PLEKHA6: variants seen among roughly 807,000 people sequenced by gnomAD.
PLEKHA6 encodes pleckstrin homology domain-containing family A member 6.
A neutral mutation model predicts 116.7 loss-of-function variants in PLEKHA6; 60 were observed. That is an observed-to-expected ratio of 0.51 (90% CI 0.42 to 0.64). The LOEUF (loss-of-function observed/expected upper bound fraction) is 0.64. PLEKHA6 is among the 30% of genes least tolerant of loss of function. The pLI is 0.00. For synonymous variants in PLEKHA6, 489 were observed against 556.1 expected, an observed-to-expected ratio of 0.88 and a Z score of 1.70; for missense variants, 1,338 against 1,422.7, an observed-to-expected ratio of 0.94 and a Z score of 0.96.
Position 204,248,929 on chromosome 1 carries a change from C to T in PLEKHA6, c.1716G>A (p.Leu572=), listed in dbSNP as rs1260421588. 1.2e-6 allele frequency: 2 copies of T among 1,614,158 alleles called. No homozygotes were observed. The highest frequency in any genetic ancestry group is 2.2e-5 in the South Asian group (2 of 91,078). ...AGGCGGGCTGGCTTCCAAACATCTC[C>T]AGCTCCTGGTGGGTCCCCATCAAGG... The part of the protein sequence containing the change: ...ESALMGTHQE[L]EMFGSQPAYP... Residue 572 remains leucine, a synonymous_variant, in exon 12 of 23, where the codon CTG becomes CTA. Transcript: ENST00000272203.
intron 1 of PLEKHA6, among the ~76,000 whole-genome samples, chr1:204,312,125 C>CAACT (rs1482830512): frequency 6.6e-6 from 1 of 152,210 alleles, no homozygotes; most frequent in Admixed American, 6.5e-5. Flanking sequence ...CAGCATCACA[C>CAACT]AACTAGTCAG....
At chr1:204,281,094 G>T in intron 1 of PLEKHA6, 1 of 581,092 alleles carries the variant, frequency 1.7e-6, no homozygotes, top group Non-Finnish European at 2.2e-6. Flanking sequence ...GGCAGAGGCA[G>T]GAGGATCACT....
intron 17 of PLEKHA6, among the ~76,000 whole-genome samples, chr1:204,236,468 C>T (rs1346095426): frequency 6.6e-6 from 1 of 152,174 alleles, no homozygotes; most frequent in Non-Finnish European, 1.5e-5. Context: ...GAGGGCAGCA[C>T]TTGCATCTTT....
At position 204,219,791 on chromosome 1, in the gene PLEKHA6, G is replaced by A. The variant is rs1007953747; in HGVS notation, c.*2997C>T. ...GCTAAGCAGCTTGGAAGGCTGAGCT[G>A]GCTTAGTTCGGTGCCCCAGTGGCAG... On this transcript the variant is annotated 3_prime_UTR_variant, in exon 23 of 23. Transcript: ENST00000272203. The A allele has an allele frequency of 1.3e-5, 2 of 152,264 alleles. No individual in the cohort carries two copies. Among genetic ancestry groups the A allele is most frequent in the African/African-American group, 4.8e-5 (2 of 41,454 alleles). 9.4% of individuals were successfully genotyped at this position (152,264 alleles called of 1,614,324 possible). A position where few individuals can be genotyped will look rare whatever the true frequency, so the allele number is the denominator to read the frequency against.
intron 1 of PLEKHA6, among the ~76,000 whole-genome samples, chr1:204,335,563 T>TG (rs960537308): frequency 2.0e-5 from 3 of 152,048 alleles, no homozygotes; most frequent in African/African-American, 7.2e-5. Context: ...CCAGAGCAAC[T>TG]GGGTTAAGGC....
At position 204,308,979 on chromosome 1, in the gene PLEKHA6, A is replaced by G. The variant is rs572325082; in HGVS notation, c.-94-34170T>C. The G allele has an allele frequency of 4.2e-4, 261 of 615,870 alleles. 2 individuals are homozygous for G. The South Asian group carries it at 5.1e-3, about 12-fold the overall frequency. The allele number at this position is 615,870 out of a possible 1,614,324, so 38.2% of individuals were successfully genotyped here. A position where few individuals can be genotyped will look rare whatever the true frequency, so the allele number is the denominator to read the frequency against. On this transcript the variant is annotated intron_variant, in intron 1 of 22. Coordinates refer to ENST00000272203, the MANE Select transcript of PLEKHA6 (RefSeq NM_014935.5). ...GCTGGGATTACAGGCGTGAGCCACC[A>G]CGCCCGGCCTCAAGAAGGTAATTCT... is the stretch of plus-strand genomic sequence containing the variant.
Position 204,259,861 on chromosome 1 carries a change from G to A in PLEKHA6, c.525-121C>T. On this transcript the variant is annotated intron_variant, in intron 7 of 22. Transcript: ENST00000272203. This position sits in a 1 kb window ranked among gnomAD's most constrained non-coding sequence, Gnocchi z 4.6. ...TGGGCAGGGAGGTGGCTGGAACCAG[G>A]ATTCTATGAACTCCAGTTCTGCTTC... 1 of 1,048,282 alleles carries A rather than the reference G, an allele frequency of 9.5e-7. No homozygotes were observed. Among genetic ancestry groups the A allele is most frequent in the Non-Finnish European group, 1.4e-6 (1 of 740,134 alleles). 64.9% of individuals were successfully genotyped at this position (1,048,282 alleles called of 1,614,324 possible). A position where few individuals can be genotyped will look rare whatever the true frequency, so the allele number is the denominator to read the frequency against.
intron 6 of PLEKHA6, among the ~76,000 whole-genome samples, chr1:204,263,008 C>A (rs1190090830): frequency 6.6e-6 from 1 of 152,146 alleles, no homozygotes; most frequent in Admixed American, 6.5e-5. Context: ...CAAATGAATT[C>A]ATCAATTCAA....
At chr1:204,229,598 T>C (rs1479743430) in intron 18 of PLEKHA6, among the ~76,000 whole-genome samples, 5 of 152,114 alleles carry the variant, frequency 3.3e-5, no homozygotes, top group Non-Finnish European at 7.4e-5. Flanking sequence ...CATGTTTTTA[T>C]AGAGATAGGG....
chr1:204,296,045 AG>A (rs1670246473), intron 1 of PLEKHA6, among the ~76,000 whole-genome samples: 1 of 152,050 alleles, frequency 6.6e-6, no homozygotes, highest in Non-Finnish European at 1.5e-5. Context: ...GGACCAAGGA[AG>A]GGCATATGTG....
At chr1:204,285,674 G>A (rs559566276) in intron 1 of PLEKHA6, among the ~76,000 whole-genome samples, 17 of 152,112 alleles carry the variant, frequency 1.1e-4, no homozygotes, top group Non-Finnish European at 2.1e-4. Flanking sequence ...ACACGGTCTC[G>A]CCGTGTTGGC....
At chr1:204,283,003 T>A (rs1243449890) in intron 1 of PLEKHA6, among the ~76,000 whole-genome samples, 1 of 152,178 alleles carries the variant, frequency 6.6e-6, no homozygotes, top group African/African-American at 2.4e-5. Flanking sequence ...CAATAATTAA[T>A]TATGCCCCCC....
chr1:204,368,708 T>C (rs1293713239), intron 2 of PLEKHA6: 1 of 152,420 alleles, frequency 6.6e-6, no homozygotes, highest in Non-Finnish European at 1.5e-5. Context: ...GAGGAGCCTT[T>C]TGAGAGACCC....
At position 204,259,994 on chromosome 1, in the gene PLEKHA6, T is replaced by A. The variant is rs1665906487; in HGVS notation, c.525-254A>T. Among the ~76,000 whole-genome samples the A allele has an allele frequency of 6.6e-6, 1 of 152,156 alleles. No homozygotes were observed. Among genetic ancestry groups the A allele is most frequent in the African/African-American group, 2.4e-5 (1 of 41,438 alleles). On this transcript the variant is annotated intron_variant, in intron 7 of 22. Coordinates refer to ENST00000272203, the MANE Select transcript of PLEKHA6 (RefSeq NM_014935.5). This position sits in a 1 kb window ranked among gnomAD's most constrained non-coding sequence, Gnocchi z 4.6. ...TTAACTCTGCCCCCCACGTCTTCTC[T>A]GCAGGTCATTCTCCACCCCACTCCC...
intron 1 of PLEKHA6, among the ~76,000 whole-genome samples, chr1:204,290,076 G>T (rs1669593568): frequency 6.6e-6 from 1 of 152,182 alleles, no homozygotes. Flanking sequence ...TGTTTTCATG[G>T]ATCAGGAGAC....
intron 1 of PLEKHA6, chr1:204,313,806 C>A (rs1671753483): frequency 1.8e-6 from 1 of 557,964 alleles, no homozygotes; most frequent in Non-Finnish European, 2.3e-6. Context: ...AATGCAGAAA[C>A]CTGTTCAAGC....
intron 5 of PLEKHA6, among the ~76,000 whole-genome samples, chr1:204,267,127 C>A (rs1666918568): frequency 6.6e-6 from 1 of 152,188 alleles, no homozygotes; most frequent in African/African-American, 2.4e-5. Flanking sequence ...TAGTAGGTGA[C>A]CTACTAGTAG....
At chr1:204,361,579 C>A (rs1673561542), upstream of PLEKHA6, among the ~76,000 whole-genome samples, 1 of 152,250 alleles carries the variant, frequency 6.6e-6, no homozygotes, top group African/African-American at 2.4e-5. Context: ...GACTCTTGGT[C>A]ACCTCCCACT....
chr1:204,336,715 CAT>C (rs1393963825), intron 1 of PLEKHA6, among the ~76,000 whole-genome samples: 1 of 152,200 alleles, frequency 6.6e-6, no homozygotes, highest in African/African-American at 2.4e-5. Flanking sequence ...GCACAAAAGA[CAT>C]ATATTTGCAA....
Sources: gnomAD v4.1 joint callset for allele counts (sites outside exome capture counted in the v4.1 genomes callset) on GRCh38, gnomAD v4.1.1 for gene constraint, Gnocchi (gnomAD v3.1) non-coding constraint, MANE v1.5 for transcripts, NCBI Gene and HGNC (gene_info 2026-07-23, HGNC 2026-07-21) for gene names.